LRMDA: variants seen among roughly 807,000 people sequenced by gnomAD.
LRMDA encodes the protein leucine rich melanocyte differentiation associated.
LRMDA carries 18 observed loss-of-function variants against 29.8 expected under a neutral mutation model. The ratio of observed to expected loss-of-function variants is 0.60; its 90% CI spans 0.42 to 0.90. The LOEUF (loss-of-function observed/expected upper bound fraction) is 0.90. Among genes scored for constraint, LRMDA ranks in the 40% least tolerant of loss-of-function variants. The probability of loss-of-function intolerance (pLI) is 0.00; values close to 1 mark genes in which losing one functional copy is unlikely to be tolerated. For missense variants in LRMDA, 273 were observed against 273.9 expected (o/e 1.00, Z 0.02); for synonymous variants, 125 against 109.4 (o/e 1.14, Z -0.89).
chr10:75,458,391 T>G (rs1844545242), intron 2 of LRMDA, among the ~76,000 whole-genome samples: 1 of 152,202 alleles, frequency 6.6e-6, no homozygotes, highest in Non-Finnish European at 1.5e-5. Flanking sequence ...GACTTGGGTC[T>G]GAATGGCCAG....
rs200455198 is a variant in LRMDA, at chr10:76,342,968, G to C, written c.601+18483G>C. 2.6e-5 allele frequency among the ~76,000 whole-genome samples: 4 copies of C among 150,964 alleles called. No individual in the cohort carries two copies. The East Asian group carries it at 7.7e-4, about 29-fold the overall frequency. On this transcript the variant is annotated intron_variant, in intron 6 of 6. Coordinates refer to ENST00000611255, the MANE Select transcript of LRMDA (RefSeq NM_001305581.2). ...TGCTAAATGTTTAACAACCGGGTCT[G>C]GGGGCTGGAGCAGGGAGTAAAAAAA...
chr10:76,489,241 G>A lies in LRMDA; in HGVS notation c.602-67968G>A, dbSNP rs553886647. ...TTTTATTTCTTCATGGTTCAATTTT[G>A]GTAGGTGGTATATGTCTAGAAATTT... On this transcript the variant is annotated intron_variant, in intron 6 of 6. Transcript: ENST00000611255. 2.6e-4 allele frequency among the ~76,000 whole-genome samples: 40 copies of A among 151,770 alleles called. 1 individual carries two copies. The South Asian group carries it at 8.3e-3, about 32-fold the overall frequency.
intron 5 of LRMDA, among the ~76,000 whole-genome samples, chr10:76,063,476 G>T (rs893445440): frequency 6.6e-6 from 1 of 151,956 alleles, no homozygotes; most frequent in Non-Finnish European, 1.5e-5. Flanking sequence ...TTTTCCCATC[G>T]TGTAGTTTGT....
At chr10:75,748,627 A>G (rs559026448) in intron 2 of LRMDA, among the ~76,000 whole-genome samples, 1 of 152,192 alleles carries the variant, frequency 6.6e-6, no homozygotes. Context: ...TCGAGATGGT[A>G]CTGTGTTTGC....
Position 75,646,277 on chromosome 10 carries a change from G to C in LRMDA, c.131+207783G>C, listed in dbSNP as rs142013359. ...GTATAAAAGAAAATGCCTTGGCACAGAGAGACATGATGAACTGCCGTCTGC... is the reference window on the plus strand; with the variant it reads ...GTATAAAAGAAAATGCCTTGGCACACAGAGACATGATGAACTGCCGTCTGC... On this transcript the variant is annotated intron_variant, in intron 2 of 6. Coordinates refer to ENST00000611255, the MANE Select transcript of LRMDA (RefSeq NM_001305581.2). 3.1e-3 allele frequency among the ~76,000 whole-genome samples: 477 copies of C among 152,310 alleles called. 4 individuals are homozygous for C. The highest frequency in any genetic ancestry group is 0.011 in the African/African-American group (462 of 41,576).
At chr10:76,554,518 A>G (rs185961092) in intron 6 of LRMDA, among the ~76,000 whole-genome samples, 1 of 152,220 alleles carries the variant, frequency 6.6e-6, no homozygotes, top group East Asian at 1.9e-4. Context: ...TCCTTGCCTC[A>G]TTTTCCAAGT....
intron 2 of LRMDA, among the ~76,000 whole-genome samples, chr10:75,940,258 G>A (rs188273579): frequency 8.9e-4 from 136 of 152,208 alleles, no homozygotes; most frequent in African/African-American, 3.0e-3. Flanking sequence ...GGCAGTAAGC[G>A]GCTGGGGGTG....
chr10:76,120,298 C>T (rs1849761509), intron 5 of LRMDA, among the ~76,000 whole-genome samples: 2 of 151,546 alleles, frequency 1.3e-5, no homozygotes, highest in African/African-American at 4.9e-5. Context: ...AAGTGATTCT[C>T]CCACCTCAGC....
Position 75,969,332 on chromosome 10 carries a change from C to T in LRMDA, c.132-66676C>T, listed in dbSNP as rs1846924194. Among the ~76,000 whole-genome samples, 5 of 152,302 alleles carry T rather than the reference C, an allele frequency of 3.3e-5. No individual in the cohort carries two copies. In the South Asian group the frequency reaches 1.0e-3, roughly 32 times the overall value. ...GTCGGTCCAGTAATAATAACCTTAC[C>T]AATAATGAGAATCCCTTTGACATGT... is the stretch of plus-strand genomic sequence containing the variant. On this transcript the variant is annotated intron_variant, in intron 2 of 6. Transcript: ENST00000611255.
intron 6 of LRMDA, among the ~76,000 whole-genome samples, chr10:76,431,173 T>C (rs1405194315): frequency 6.6e-6 from 1 of 152,148 alleles, no homozygotes; most frequent in East Asian, 1.9e-4. Context: ...AAAAAAAAGA[T>C]CTAAATATTT....
intron 6 of LRMDA, among the ~76,000 whole-genome samples, chr10:76,542,633 T>G (rs1843370785): frequency 6.6e-6 from 1 of 152,236 alleles, no homozygotes; most frequent in African/African-American, 2.4e-5. Flanking sequence ...AATTGATTTT[T>G]TGCACAACAT....
chr10:76,216,684 C>A (rs1851734596), intron 5 of LRMDA, among the ~76,000 whole-genome samples: 1 of 152,114 alleles, frequency 6.6e-6, no homozygotes, highest in African/African-American at 2.4e-5. Context: ...TCTACAGGAA[C>A]CCTGCTATGT....
intron 5 of LRMDA, among the ~76,000 whole-genome samples, chr10:76,191,881 C>A (rs367845355): frequency 6.6e-6 from 1 of 152,168 alleles, no homozygotes; most frequent in South Asian, 2.1e-4. Context: ...CTGATCATGA[C>A]AAAGGTTCCA....
intron 2 of LRMDA, among the ~76,000 whole-genome samples, chr10:75,488,421 A>G (rs557553349): frequency 6.6e-6 from 1 of 152,338 alleles, no homozygotes; most frequent in African/African-American, 2.4e-5. Context: ...ATAAAGAGGC[A>G]TCTTTTGCAC....
At chr10:76,285,719 A>G (rs1041283233) in intron 5 of LRMDA, among the ~76,000 whole-genome samples, 3 of 152,124 alleles carry the variant, frequency 2.0e-5, no homozygotes, top group Non-Finnish European at 4.4e-5. Flanking sequence ...ACAGGCCAGT[A>G]TCTTTGGCCT....
chr10:75,914,194 AAGG>A (rs1412719848), intron 2 of LRMDA, among the ~76,000 whole-genome samples: 1 of 152,222 alleles, frequency 6.6e-6, no homozygotes, highest in Non-Finnish European at 1.5e-5. Context: ...ATACTTGTAA[AAGG>A]ATCAAAAAAG....
chr10:76,193,106 G>C (rs573418209), intron 5 of LRMDA, among the ~76,000 whole-genome samples: 7 of 152,258 alleles, frequency 4.6e-5, no homozygotes, highest in Admixed American at 4.6e-4. Context: ...TATTTAGTTA[G>C]AGATATGAGC....
intron 2 of LRMDA, among the ~76,000 whole-genome samples, chr10:75,660,405 C>G (rs774104537): frequency 6.6e-6 from 1 of 152,150 alleles, no homozygotes; most frequent in Non-Finnish European, 1.5e-5. Context: ...TTGTGAGGGG[C>G]GCCTGCCGGA....
At chr10:76,314,623 A>C (rs1350976178) in intron 5 of LRMDA, among the ~76,000 whole-genome samples, 1 of 152,244 alleles carries the variant, frequency 6.6e-6, no homozygotes, top group African/African-American at 2.4e-5. Flanking sequence ...CATAAATAAC[A>C]GTAAAATTTT....
Sources: allele counts gnomAD v4.1 joint callset (sites outside exome capture counted in the v4.1 genomes callset), GRCh38; gene constraint gnomAD v4.1.1; transcripts MANE v1.5; gene names NCBI Gene and HGNC (gene_info 2026-07-23, HGNC 2026-07-21).